LOXHD1: variants seen among roughly 807,000 people sequenced by gnomAD.
The protein encoded by LOXHD1 is lipoxygenase homology domain-containing protein 1.
Under a neutral mutation model 248.2 loss-of-function variants are expected in LOXHD1, and 205 were observed. That is an observed-to-expected ratio of 0.83 (90% CI 0.74 to 0.93). The LOEUF (loss-of-function observed/expected upper bound fraction) is 0.93. Ranked by LOEUF, LOXHD1 falls within the 40% of genes least tolerant of loss-of-function variation. The pLI is 0.00. For missense variants in LOXHD1, 2,930 were observed against 2,971.6 expected (o/e 0.99, Z 0.33); for synonymous variants, 1,113 against 1,162.8 (o/e 0.96, Z 0.87).
chr18:46,521,373 C>T, intron 32 of LOXHD1, 91 bp from the exon 33 acceptor site: 1 of 1,424,238 alleles, frequency 7.0e-7, no homozygotes, highest in Non-Finnish European at 9.6e-7. Context: ...TGCTTCTTCC[C>T]AGTATGCTGT....
intron 5 of LOXHD1, 58 bp downstream of exon 5, chr18:46,618,134 C>T (rs967859603): frequency 6.9e-6 from 9 of 1,295,774 alleles, no homozygotes; most frequent in Non-Finnish European, 7.6e-6. Context: ...TTGTGGGAAC[C>T]CCATCTACAA....
chr18:46,597,039 G>A (rs1248383642), intron 8 of LOXHD1, among the ~76,000 whole-genome samples: 1 of 152,118 alleles, frequency 6.6e-6, no homozygotes, highest in African/African-American at 2.4e-5. Flanking sequence ...GAAACTTGTA[G>A]GTAAATCTGA....
Position 46,649,137 on chromosome 18 carries a change from G to C in LOXHD1, c.245+18C>G, listed in dbSNP as rs1355048647. 1.3e-6 allele frequency: 2 copies of C among 1,542,318 alleles called. No individual in the cohort carries two copies. The highest frequency in any genetic ancestry group is 3.9e-5 in the Admixed American group (2 of 50,994). Reference sequence around the variant, plus strand: ...GACTAATGGCCCAGGATCCCACCAAGGCCAAGTGGGTACTCACTTGCTGGT... The same window carrying C: ...GACTAATGGCCCAGGATCCCACCAACGCCAAGTGGGTACTCACTTGCTGGT... On this transcript the variant is annotated intron_variant, in intron 2 of 40. Coordinates refer to ENST00000642948, the MANE Select transcript of LOXHD1 (RefSeq NM_001384474.1).
At chr18:46,653,775 T>G (rs553371798) in intron 1 of LOXHD1, among the ~76,000 whole-genome samples, 32 of 152,394 alleles carry the variant, frequency 2.1e-4, no homozygotes, top group African/African-American at 6.7e-4. Context: ...AATGGTTTAC[T>G]AAGCTTCAAT....
At chr18:46,561,665 A>C (rs1353464374) in intron 18 of LOXHD1, among the ~76,000 whole-genome samples, 1 of 152,356 alleles carries the variant, frequency 6.6e-6, no homozygotes, top group Admixed American at 6.5e-5. Flanking sequence ...ATGAGAACTC[A>C]GGCCTTCTGA....
rs770190067 is a variant in LOXHD1, at chr18:46,594,289, C to A, written c.1270+42G>T. ...GTCTGACATTCTGGCCTCTGCTGAC[C>A]CTGGCTGAGAGGCCTCCAGGTTCTG... On this transcript the variant is annotated intron_variant, in intron 9 of 40. Coordinates refer to ENST00000642948, the MANE Select transcript of LOXHD1 (RefSeq NM_001384474.1). The A allele has an allele frequency of 1.3e-5, 20 of 1,550,062 alleles. No individual in the cohort carries two copies. In the South Asian group the frequency reaches 2.4e-4, roughly 18 times the overall value.
chr18:46,618,481 C>T (rs1363984766), intron 4 of LOXHD1, among the ~76,000 whole-genome samples, 191 bp from the exon 5 acceptor site: 1 of 152,196 alleles, frequency 6.6e-6, no homozygotes, highest in Non-Finnish European at 1.5e-5. Context: ...GAATTGTCAT[C>T]ATTACTGTCA....
intron 7 of LOXHD1, 58 bp from the exon 8 acceptor site, chr18:46,601,525 A>AC (rs369741854): frequency 4.5e-6 from 7 of 1,544,544 alleles, no homozygotes; most frequent in Non-Finnish European, 3.5e-6. Context: ...ATAATATCCC[A>AC]CCCCCTCCTC....
chr18:46,599,254 T>G (rs542604399), intron 8 of LOXHD1, among the ~76,000 whole-genome samples: 4 of 152,312 alleles, frequency 2.6e-5, no homozygotes, highest in African/African-American at 9.6e-5. Flanking sequence ...CTAAACCACT[T>G]GCTAAATATC....
At chr18:46,566,188 C>T in intron 17 of LOXHD1, 69 bp downstream of exon 17, 5 of 1,443,102 alleles carry the variant, frequency 3.5e-6, no homozygotes, top group Non-Finnish European at 4.7e-6. Context: ...CCCATGGTCC[C>T]TCCTCCTTCC....
In LOXHD1 at chr18:46,504,641, C is replaced by A. The variant is rs553260536; in HGVS notation, c.5878+1197G>T. ...GAAAAAATTTTAACTGTTTAATCCA[C>A]GTTAAAGCAAAATAGCTTAGCTCCT... is the stretch of plus-strand genomic sequence containing the variant. On this transcript the variant is annotated intron_variant, in intron 37 of 40. Transcript: ENST00000642948. Among the ~76,000 whole-genome samples, 3 of 152,280 alleles carry A rather than the reference C, an allele frequency of 2.0e-5. No homozygotes were observed. The East Asian group carries it at 5.8e-4, about 29-fold the overall frequency.
intron 12 of LOXHD1, among the ~76,000 whole-genome samples, chr18:46,590,673 C>T (rs2038149318): frequency 6.6e-6 from 1 of 152,104 alleles, no homozygotes; most frequent in South Asian, 2.1e-4. Context: ...TAGATGATTG[C>T]CTTGTTCCCA....
At position 46,618,301 on chromosome 18, in the gene LOXHD1, GGA is replaced by G. The variant is rs876657676; in HGVS notation, c.512-13_512-12del. The G allele has an allele frequency of 6.5e-7, 1 of 1,538,986 alleles. No individual in the cohort carries two copies. The highest frequency in any genetic ancestry group is 8.8e-7 in the Non-Finnish European group (1 of 1,136,150). ...CTTCATACTTATTACCTAGGAACAA[GGA>G]GAGAGAAAAACCTTAGCTCATCAGG... On this transcript the variant is annotated splice_polypyrimidine_tract_variant and intron_variant, in intron 4 of 40. Coordinates refer to ENST00000642948, the MANE Select transcript of LOXHD1 (RefSeq NM_001384474.1).
rs71162810 is a variant in LOXHD1 at position 46,583,846 on chromosome 18, CAAA to C, written c.1655-4065_1655-4063del. Reference sequence around the variant, plus strand: ...ATAATCCCATTACTGGGTATATATCCAAAAAAAAAAAATGAAAACAGTATGTTG... The same window carrying C: ...ATAATCCCATTACTGGGTATATATCCAAAAAAAAATGAAAACAGTATGTTG... On this transcript the variant is annotated intron_variant, in intron 12 of 40. Transcript: ENST00000642948. 3.7e-4 allele frequency among the ~76,000 whole-genome samples: 56 copies of C among 150,420 alleles called. No individual in the cohort carries two copies. The South Asian group carries it at 8.2e-3, about 22-fold the overall frequency.
intron 14 of LOXHD1, among the ~76,000 whole-genome samples, chr18:46,575,629 G>A (rs1479774447): frequency 1.3e-5 from 2 of 152,196 alleles, no homozygotes; most frequent in African/African-American, 2.4e-5. Context: ...GGCTGCTGGG[G>A]TGAGGACATA....
chr18:46,608,035 GGGAAGGAA>G (rs149739560), intron 6 of LOXHD1, among the ~76,000 whole-genome samples: 68 of 111,360 alleles, frequency 6.1e-4, no homozygotes, highest in African/African-American at 1.4e-3. Context: ...GAAGGAAGGA[GGGAAGGAA>G]GGAAGGAAGG....
At chr18:46,616,648 T>C (rs895012125) in intron 5 of LOXHD1, among the ~76,000 whole-genome samples, 1 of 152,216 alleles carries the variant, frequency 6.6e-6, no homozygotes, top group African/African-American at 2.4e-5. Flanking sequence ...TGTTTAAGCA[T>C]ATGAATGGTA....
rs774909632 is a variant in LOXHD1, at chr18:46,570,195, G to C, written c.2048-557C>G. The stretch of plus-strand genomic sequence containing the variant: ...CTCTCATGTGGACTTGAAACCCCCT[G>C]CTCTTCACTGGGCCACCACGAGGGT... On this transcript the variant is annotated intron_variant, in intron 15 of 40. Coordinates refer to ENST00000642948, the MANE Select transcript of LOXHD1 (RefSeq NM_001384474.1). Among the ~76,000 whole-genome samples the C allele has an allele frequency of 5.2e-4, 79 of 152,216 alleles. 1 individual carries two copies. Among genetic ancestry groups the C allele is most frequent in the Admixed American group, 1.1e-3 (17 of 15,288 alleles).
intron 29 of LOXHD1, among the ~76,000 whole-genome samples, chr18:46,527,766 G>A (rs1467450102): frequency 1.3e-5 from 2 of 152,246 alleles, no homozygotes; most frequent in Non-Finnish European, 2.9e-5. Context: ...GAACATGAAT[G>A]TGTGTGTTTT....
Sources: allele counts gnomAD v4.1 joint callset (sites outside exome capture counted in the v4.1 genomes callset), GRCh38; gene constraint gnomAD v4.1.1; transcripts MANE v1.5; gene names NCBI Gene and HGNC (gene_info 2026-07-23, HGNC 2026-07-21).